The following CRB1 variants were observed in gnomAD, a reference collection of about 807,000 sequenced individuals.
CRB1 encodes the protein protein crumbs homolog 1.
A neutral mutation model predicts 120.0 loss-of-function variants in CRB1; 83 were observed. That is an observed-to-expected ratio of 0.69 (90% CI 0.58 to 0.83). CRB1 has a LOEUF of 0.83. Ranked by LOEUF, CRB1 falls within the 40% of genes least tolerant of loss-of-function variation. CRB1 has a pLI of 0.00. For synonymous variants in CRB1, 625 were observed against 612.5 expected, an observed-to-expected ratio of 1.02 and a Z score of -0.30; for missense variants, 1,699 against 1,687.6, an observed-to-expected ratio of 1.01 and a Z score of -0.12.
chr1:197,427,590 G>C lies in CRB1; in HGVS notation c.2265G>C (p.Leu755Phe), dbSNP rs751825580. Residue 755 changes from leucine to phenylalanine, a missense_variant, in exon 7 of 12, where the codon TTG becomes TTC. Leu to Phe is a conservative substitution (Grantham distance 22). Coordinates refer to ENST00000367400, the MANE Select transcript of CRB1 (RefSeq NM_201253.3). ...TLQPSGLLLALENSTYQYIRV... is the reference protein window; with the variant it reads ...TLQPSGLLLAFENSTYQYIRV... Reference sequence around the variant, plus strand: ...AACCATCAGGCTTACTTCTAGCTTTGGAAAACAGCACTTATCAATATATCC... The same window carrying C: ...AACCATCAGGCTTACTTCTAGCTTTCGAAAACAGCACTTATCAATATATCC... 1.2e-6 allele frequency: 2 copies of C among 1,613,912 alleles called. No individual in the cohort carries two copies. Among genetic ancestry groups the C allele is most frequent in the African/African-American group, 2.7e-5 (2 of 75,026 alleles).
rs535120131 is a variant in CRB1 at position 197,330,903 on chromosome 1, A to G, written c.652+1900A>G. On this transcript the variant is annotated intron_variant, in intron 2 of 11. Transcript: ENST00000367400. Reference sequence around the variant, plus strand: ...AGATGTCAGTTAGTGGATTAAGAAGAGGAGTCCTCGGCCAGGCGCGGTGGC... The same window carrying G: ...AGATGTCAGTTAGTGGATTAAGAAGGGGAGTCCTCGGCCAGGCGCGGTGGC... Among the ~76,000 whole-genome samples the G allele has an allele frequency of 1.3e-3, 204 of 152,330 alleles. 2 individuals carry two copies. The highest frequency in any genetic ancestry group is 4.6e-3 in the African/African-American group (192 of 41,582).
intron 1 of CRB1, among the ~76,000 whole-genome samples, chr1:197,320,106 T>C (rs2125288922): frequency 6.6e-6 from 1 of 152,342 alleles, no homozygotes; most frequent in Middle Eastern, 3.4e-3. Context: ...ATTGATAGCA[T>C]CCCTACTTTA....
intron 1 of CRB1, among the ~76,000 whole-genome samples, chr1:197,270,513 G>C (rs1328987532): frequency 1.3e-5 from 2 of 152,124 alleles, no homozygotes; most frequent in Non-Finnish European, 2.9e-5. Context: ...TCTTTATTAA[G>C]AACCTACTAC....
rs752719776 is a variant in CRB1, at chr1:197,435,145, A to C, written c.3282A>C (p.Gln1094His). 1.2e-6 allele frequency: 2 copies of C among 1,613,918 alleles called. No homozygotes were observed. The highest frequency in any genetic ancestry group is 1.7e-6 in the Non-Finnish European group (2 of 1,179,850). ...CTATTGACAATATAAAGGGCCTGCA[A>C]GGGTGTCTAAGTACAATAGAAATCG... ...DRAIDNIKGL[Q>H]GCLSTIEIGG... The change falls in exon 9 of 12, where the codon CAA (glutamine) becomes CAC (histidine). Residue 1094 changes from glutamine to histidine, a missense_variant. By Grantham distance (24) the Gln-to-His change is conservative. Transcript: ENST00000367400.
chr1:197,395,673 A>G (rs1196826769), intron 5 of CRB1, among the ~76,000 whole-genome samples: 2 of 152,180 alleles, frequency 1.3e-5, no homozygotes, highest in African/African-American at 4.8e-5. Context: ...TCCCTGGTTC[A>G]TTGAATGCAA....
At chr1:197,401,405 G>A (rs1283119270) in intron 5 of CRB1, among the ~76,000 whole-genome samples, 1 of 152,044 alleles carries the variant, frequency 6.6e-6, no homozygotes, top group Non-Finnish European at 1.5e-5. Flanking sequence ...TGCCCACTAT[G>A]TAAGACAAAG....
chr1:197,465,148 C>T (rs1014569822), intron 11 of CRB1, among the ~76,000 whole-genome samples: 1 of 152,156 alleles, frequency 6.6e-6, no homozygotes, highest in African/African-American at 2.4e-5. Flanking sequence ...ATTGTATGAT[C>T]TAATTTTATA....
chr1:197,291,257 G>A (rs1473834940), intron 1 of CRB1, among the ~76,000 whole-genome samples: 1 of 151,722 alleles, frequency 6.6e-6, no homozygotes, highest in Non-Finnish European at 1.5e-5. Context: ...AAATATATAA[G>A]TGAGTGGACA....
chr1:197,316,570 A>G (rs1281579814), intron 1 of CRB1, among the ~76,000 whole-genome samples: 1 of 152,252 alleles, frequency 6.6e-6, no homozygotes, highest in Non-Finnish European at 1.5e-5. Context: ...ATACACAAAG[A>G]AAGTGAATAT....
intron 4 of CRB1, among the ~76,000 whole-genome samples, chr1:197,352,127 A>G (rs1184015764): frequency 6.6e-6 from 1 of 152,222 alleles, no homozygotes; most frequent in Non-Finnish European, 1.5e-5. Context: ...TTGTTAACAA[A>G]CATAATATAA....
At chr1:197,247,037 T>A in the CRB1 span, among the ~76,000 whole-genome samples, 1 of 152,102 alleles carries the variant, frequency 6.6e-6, no homozygotes, top group Admixed American at 6.6e-5. Flanking sequence ...ATAGCAATCA[T>A]AAGTAAATCC....
At chr1:197,204,582 T>G in the CRB1 span, among the ~76,000 whole-genome samples, 1 of 152,206 alleles carries the variant, frequency 6.6e-6, no homozygotes, top group Admixed American at 6.5e-5. Context: ...TATCTTCTTT[T>G]GAGGATTATC....
intron 11 of CRB1, among the ~76,000 whole-genome samples, chr1:197,457,696 G>A (rs1005255379): frequency 6.6e-6 from 1 of 152,152 alleles, no homozygotes; most frequent in Non-Finnish European, 1.5e-5. Context: ...GGTAGAAAAA[G>A]CTTCGTGCAG....
At chr1:197,418,826 T>C (rs10922221) in intron 5 of CRB1, among the ~76,000 whole-genome samples, 38,072 of 152,112 alleles carry the variant, frequency 0.25, 5,276 homozygotes, top group Middle Eastern at 0.39. Flanking sequence ...GCATTTTCCT[T>C]CCTTCATGGA....
chr1:197,379,929 T>C (rs1172830237), intron 5 of CRB1, among the ~76,000 whole-genome samples: 1 of 152,236 alleles, frequency 6.6e-6, no homozygotes, highest in Non-Finnish European at 1.5e-5. Flanking sequence ...TGCCCTCAAA[T>C]TCAACAACTG....
chr1:197,332,203 T>G (rs908707553), intron 2 of CRB1, among the ~76,000 whole-genome samples: 13 of 152,192 alleles, frequency 8.5e-5, no homozygotes, highest in African/African-American at 3.1e-4. Flanking sequence ...ATATTCTAAA[T>G]GTGAAATGTA....
the CRB1 span, among the ~76,000 whole-genome samples, chr1:197,227,566 CT>C: frequency 6.6e-6 from 1 of 152,104 alleles, no homozygotes; most frequent in South Asian, 2.1e-4. Flanking sequence ...AGCTCTGCCC[CT>C]GTGGTTTTGC....
At chr1:197,246,284 C>T in the CRB1 span, among the ~76,000 whole-genome samples, 4 of 152,104 alleles carry the variant, frequency 2.6e-5, no homozygotes, top group Admixed American at 6.6e-5. Context: ...AGAACAGTTA[C>T]AGTATACAAG....
At chr1:197,253,990 G>T in the CRB1 span, among the ~76,000 whole-genome samples, 1 of 152,048 alleles carries the variant, frequency 6.6e-6, no homozygotes, top group Non-Finnish European at 1.5e-5. Flanking sequence ...ATGTCCTAGG[G>T]ATGCTAATGG....
Sources: gnomAD v4.1 joint callset for allele counts (sites outside exome capture counted in the v4.1 genomes callset) on GRCh38, gnomAD v4.1.1 for gene constraint, MANE v1.5 for transcripts, NCBI Gene and HGNC (gene_info 2026-07-23, HGNC 2026-07-21) for gene names.